The following MKX variants were observed in gnomAD, a reference collection of about 807,000 sequenced individuals.
MKX encodes the protein homeobox protein Mohawk.
MKX carries 13 observed loss-of-function variants against 36.0 expected under a neutral mutation model. The observed-to-expected ratio is 0.36, with a 90% CI of 0.24 to 0.57. The LOEUF is 0.57. MKX is among the 20% of genes least tolerant of loss of function. MKX has a pLI of 0.79. For missense variants in MKX, 458 were observed against 456.4 expected (o/e 1.00, Z -0.03); for synonymous variants, 176 against 178.3 (o/e 0.99, Z 0.10).
At chr10:27,712,834 A>G (rs1301467364) in intron 5 of MKX, among the ~76,000 whole-genome samples, 2 of 152,128 alleles carry the variant, frequency 1.3e-5, no homozygotes, top group African/African-American at 4.8e-5. Context: ...CTACTAGAGA[A>G]GCTGAGGTGG....
intron 5 of MKX, among the ~76,000 whole-genome samples, chr10:27,687,910 G>A (rs182153312): frequency 7.9e-5 from 12 of 152,314 alleles, no homozygotes; most frequent in African/African-American, 2.9e-4. Context: ...CCACGAGGGT[G>A]GTCTGGAGGG....
chr10:27,683,869 C>CCCCCAGGGCTCACAAGCAAT (rs1431248568), intron 5 of MKX, among the ~76,000 whole-genome samples: 1 of 152,144 alleles, frequency 6.6e-6, no homozygotes, highest in East Asian at 1.9e-4. Context: ...TACCAAATGA[C>CCCCCAGGGCTCACAAGCAAT]CCCCAGGGCT....
intron 5 of MKX, among the ~76,000 whole-genome samples, chr10:27,703,638 C>G (rs565305344): frequency 6.6e-6 from 1 of 152,170 alleles, no homozygotes; most frequent in South Asian, 2.1e-4. Flanking sequence ...GTGGCTCATA[C>G]CTGTAATCCC....
intron 5 of MKX, among the ~76,000 whole-genome samples, chr10:27,711,427 T>C (rs1257798892): frequency 1.6e-5 from 2 of 128,110 alleles, no homozygotes; most frequent in African/African-American, 6.2e-5. Context: ...TTTCTTTCTT[T>C]TCTCTTTCTT....
chr10:27,704,421 GACATTAA>G (rs1172744451), intron 5 of MKX, among the ~76,000 whole-genome samples: 1 of 152,014 alleles, frequency 6.6e-6, no homozygotes, highest in Non-Finnish European at 1.5e-5. Context: ...AGCACAACCA[GACATTAA>G]ACATATCCTA....
At chr10:27,721,046 A>G (rs1382663103) in intron 5 of MKX, among the ~76,000 whole-genome samples, 1 of 152,192 alleles carries the variant, frequency 6.6e-6, no homozygotes, top group Non-Finnish European at 1.5e-5. Context: ...GAAAACTGTA[A>G]AAACTAAAAA....
At chr10:27,711,481 T>TTC (rs1439624521) in intron 5 of MKX, among the ~76,000 whole-genome samples, 1,112 of 17,342 alleles carry the variant, frequency 0.064, 21 homozygotes, top group Middle Eastern at 0.3. Context: ...CTTTCTTTCT[T>TTC]TCTCTCTCTC....
intron 3 of MKX, 42 bp from the exon 4 acceptor site, chr10:27,735,416 T>C (rs1478226322): frequency 6.5e-7 from 1 of 1,544,822 alleles, no homozygotes; most frequent in South Asian, 1.2e-5. Flanking sequence ...CTTAAAAACA[T>C]TATCCATGGT....
intron 5 of MKX, among the ~76,000 whole-genome samples, chr10:27,717,183 C>T (rs1836981586): frequency 6.6e-6 from 1 of 152,086 alleles, no homozygotes; most frequent in African/African-American, 2.4e-5. Flanking sequence ...CGTGGGTTCT[C>T]TCTTAGAGCC....
chr10:27,677,443 C>A lies in MKX; in HGVS notation c.839-1889G>T, dbSNP rs4405205. On this transcript the variant is annotated intron_variant, in intron 5 of 6. Coordinates refer to ENST00000419761, the MANE Select transcript of MKX (RefSeq NM_173576.3). ...ACTAGAAGAGGTCTGAGAAGAATAA[C>A]GTCAACATGATCGTCATATAGTCTA... is the stretch of plus-strand genomic sequence containing the variant. Among the ~76,000 whole-genome samples the A allele has an allele frequency of 8.1e-4, 123 of 152,090 alleles. 3 individuals are homozygous for A. The East Asian group carries it at 0.021, about 27-fold the overall frequency.
At chr10:27,718,021 A>G (rs867927081) in intron 5 of MKX, among the ~76,000 whole-genome samples, 6 of 152,234 alleles carry the variant, frequency 3.9e-5, no homozygotes, top group Non-Finnish European at 8.8e-5. Flanking sequence ...TCCTGGTGAC[A>G]GATGAACAAT....
chr10:27,697,533 C>G (rs1413071656), intron 5 of MKX, among the ~76,000 whole-genome samples: 1 of 152,156 alleles, frequency 6.6e-6, no homozygotes, highest in African/African-American at 2.4e-5. Flanking sequence ...CTCAGAGAAG[C>G]CCACTGACAG....
chr10:27,732,450 A>G (rs1834652508), intron 5 of MKX, among the ~76,000 whole-genome samples: 1 of 152,134 alleles, frequency 6.6e-6, no homozygotes, highest in Admixed American at 6.5e-5. Flanking sequence ...GTACTTCATC[A>G]TAATTTTTTA....
chr10:27,703,220 C>G (rs1461791018), intron 5 of MKX, among the ~76,000 whole-genome samples: 1 of 152,186 alleles, frequency 6.6e-6, no homozygotes, highest in Non-Finnish European at 1.5e-5. Context: ...TCTTATATAG[C>G]ACAGTTTACC....
At chr10:27,725,427 C>T (rs1304158338) in intron 5 of MKX, among the ~76,000 whole-genome samples, 4 of 152,002 alleles carry the variant, frequency 2.6e-5, no homozygotes. Flanking sequence ...AAAGTGAACA[C>T]ATTTATTATT....
At chr10:27,709,518 C>G (rs765209354) in intron 5 of MKX, among the ~76,000 whole-genome samples, 3 of 152,144 alleles carry the variant, frequency 2.0e-5, no homozygotes, top group Non-Finnish European at 4.4e-5. Context: ...GTTCTTCGCA[C>G]TGATTTCTGG....
intron 5 of MKX, among the ~76,000 whole-genome samples, chr10:27,733,910 T>C (rs1448222220): frequency 2.0e-5 from 3 of 152,210 alleles, no homozygotes; most frequent in Non-Finnish European, 4.4e-5. Context: ...TCCAGAGCAA[T>C]GGAAGCCAGA....
At chr10:27,700,619 G>T (rs12266542) in intron 5 of MKX, among the ~76,000 whole-genome samples, 2,287 of 152,194 alleles carry the variant, frequency 0.015, 59 homozygotes, top group African/African-American at 0.052. Context: ...CATAACAAAA[G>T]ATAGACATAC....
At position 27,744,897 on chromosome 10, in the gene MKX, C is replaced by T. The variant is rs1479100425; in HGVS notation, c.-83+810G>A. ...GTGTTCGTAGGGAAGTGAAGTCAGACCTCTGCTGGATGTCGTGTGTCCCCT... is the reference window on the plus strand; with the variant it reads ...GTGTTCGTAGGGAAGTGAAGTCAGATCTCTGCTGGATGTCGTGTGTCCCCT... On this transcript the variant is annotated intron_variant, in intron 1 of 6. Coordinates refer to ENST00000419761, the MANE Select transcript of MKX (RefSeq NM_173576.3). This position sits in a 1 kb window ranked among gnomAD's most constrained non-coding sequence, Gnocchi z 5.6. 2 of 152,330 alleles carry T rather than the reference C, an allele frequency of 1.3e-5. No individual in the cohort carries two copies. The highest frequency in any genetic ancestry group is 2.9e-5 in the Non-Finnish European group (2 of 68,166). 9.4% of individuals were successfully genotyped at this position (152,330 alleles called of 1,614,324 possible).
Sources: gnomAD v4.1 joint callset for allele counts (sites outside exome capture counted in the v4.1 genomes callset) on GRCh38, gnomAD v4.1.1 for gene constraint, Gnocchi (gnomAD v3.1) non-coding constraint, MANE v1.5 for transcripts, NCBI Gene and HGNC (gene_info 2026-07-23, HGNC 2026-07-21) for gene names.